Variants in ANKS1B observed in about 807,000 individuals in gnomAD.
ANKS1B encodes the protein ankyrin repeat and sterile alpha motif domain containing 1B.
In ANKS1B, 36 loss-of-function variants were observed where a neutral mutation model predicts 148.3. The ratio of observed to expected loss-of-function variants is 0.24; its 90% confidence interval spans 0.19 to 0.32. ANKS1B has a LOEUF of 0.32. ANKS1B is among the 10% of genes least tolerant of loss of function. ANKS1B has a pLI of 1.00. For synonymous variants in ANKS1B, 542 were observed against 560.8 expected, an observed-to-expected ratio of 0.97 and a Z score of 0.47; for missense variants, 1,157 against 1,542.6, an observed-to-expected ratio of 0.75 and a Z score of 4.19.
At chr12:99,782,470 A>C (rs1327882458) in intron 4 of ANKS1B, among the ~76,000 whole-genome samples, 1 of 152,174 alleles carries the variant, frequency 6.6e-6, no homozygotes, top group Non-Finnish European at 1.5e-5. Context: ...GAGGCAGGAG[A>C]ATCGCTTGAA....
At chr12:99,748,033 C>G (rs968728262) in intron 8 of ANKS1B, among the ~76,000 whole-genome samples, 2 of 151,942 alleles carry the variant, frequency 1.3e-5, no homozygotes, top group African/African-American at 4.8e-5. Context: ...AGACTTAATT[C>G]TATTTTCTAC....
At chr12:99,122,151 G>A (rs888566136) in intron 15 of ANKS1B, among the ~76,000 whole-genome samples, 1 of 152,040 alleles carries the variant, frequency 6.6e-6, no homozygotes. Flanking sequence ...GATAATGATC[G>A]ATTTTGTGAA....
chr12:99,690,346 A>T (rs1369064153), intron 8 of ANKS1B, among the ~76,000 whole-genome samples: 2 of 152,002 alleles, frequency 1.3e-5, no homozygotes, highest in Non-Finnish European at 2.9e-5. Context: ...AAAACCAATC[A>T]TGCCTTCCCA....
intron 5 of ANKS1B, 119 bp from the exon 6 acceptor site, chr12:99,780,091 T>A (rs2064096222): frequency 1.4e-6 from 1 of 723,278 alleles, no homozygotes; most frequent in Admixed American, 2.9e-5. Flanking sequence ...AAGTGATTTT[T>A]AAAAAATTAA....
intron 14 of ANKS1B, among the ~76,000 whole-genome samples, chr12:99,201,833 G>T (rs1404870181): frequency 2.0e-5 from 3 of 152,246 alleles, no homozygotes; most frequent in Non-Finnish European, 4.4e-5. Flanking sequence ...GAAATAACTA[G>T]GCTGGTTATT....
chr12:99,445,350 G>C (rs893821193), intron 10 of ANKS1B, among the ~76,000 whole-genome samples: 2 of 152,028 alleles, frequency 1.3e-5, no homozygotes, highest in African/African-American at 4.8e-5. Context: ...CCAAGGACTG[G>C]AGGCAGGTAG....
chr12:98,847,400 G>A (rs2099486420), intron 17 of ANKS1B, among the ~76,000 whole-genome samples: 2 of 152,110 alleles, frequency 1.3e-5, no homozygotes, highest in African/African-American at 4.8e-5. Flanking sequence ...TTAGCATAAT[G>A]TCCTTCAGGT....
intron 12 of ANKS1B, among the ~76,000 whole-genome samples, chr12:99,274,831 G>A (rs2153992220): frequency 6.6e-6 from 1 of 152,276 alleles, no homozygotes; most frequent in South Asian, 2.1e-4. Context: ...CAATGCAAAG[G>A]TTTTCTCACT....
chr12:99,290,870 C>T (rs987584334), intron 12 of ANKS1B, among the ~76,000 whole-genome samples: 1 of 151,928 alleles, frequency 6.6e-6, no homozygotes, highest in Non-Finnish European at 1.5e-5. Flanking sequence ...TGGAACAAGA[C>T]AAGGATGTCC....
intron 25 of ANKS1B, among the ~76,000 whole-genome samples, chr12:98,761,139 C>G (rs901679501): frequency 6.6e-6 from 1 of 152,316 alleles, no homozygotes; most frequent in South Asian, 2.1e-4. Context: ...GATTCAAGTG[C>G]AGATCTGACT....
chr12:98,745,374 A>ACT lies in ANKS1B; in HGVS notation c.*363_*364dup, dbSNP rs201592964. 3.8e-4 allele frequency: 287 copies of ACT among 749,490 alleles called. 2 individuals are homozygous for ACT. The highest frequency in any genetic ancestry group is 3.5e-3 in the African/African-American group (116 of 33,240). 46.4% of individuals were successfully genotyped at this position (749,490 alleles called of 1,614,324 possible). On this transcript the variant is annotated 3_prime_UTR_variant, in exon 27 of 27. Transcript: ENST00000683438. Reference sequence around the variant, plus strand: ...TTAGGCAGTATTAGAGATCCCCTTTACTTTTTTTTTTTTTTTTTTTTTTTT... The same window carrying ACT: ...TTAGGCAGTATTAGAGATCCCCTTTACTCTTTTTTTTTTTTTTTTTTTTTTTT...
chr12:99,949,635 C>A (rs531675687), intron 1 of ANKS1B, among the ~76,000 whole-genome samples: 6 of 152,164 alleles, frequency 3.9e-5, no homozygotes, highest in South Asian at 2.1e-4. Flanking sequence ...ACAACAACAA[C>A]AAAAAAGACA....
At chr12:98,983,243 G>C (rs1352269906) in intron 17 of ANKS1B, among the ~76,000 whole-genome samples, 2 of 152,092 alleles carry the variant, frequency 1.3e-5, no homozygotes, top group African/African-American at 4.8e-5. Context: ...GGCTTTTTCA[G>C]GCTGTTGGAA....
At chr12:99,570,976 T>C (rs2097449586) in intron 9 of ANKS1B, among the ~76,000 whole-genome samples, 2 of 152,158 alleles carry the variant, frequency 1.3e-5, no homozygotes, top group South Asian at 4.1e-4. Context: ...ATTTATTTTT[T>C]TTAAGTGCTG....
intron 17 of ANKS1B, among the ~76,000 whole-genome samples, chr12:99,039,343 G>A (rs1225624629): frequency 2.0e-5 from 3 of 152,172 alleles, no homozygotes; most frequent in African/African-American, 4.8e-5. Context: ...TGCCTCCCAC[G>A]TCTTCCTCTG....
At chr12:98,945,511 A>AAC (rs2099843961) in intron 17 of ANKS1B, among the ~76,000 whole-genome samples, 1 of 115,032 alleles carries the variant, frequency 8.7e-6, no homozygotes, top group Non-Finnish European at 1.8e-5. Context: ...CAAACAAAAA[A>AAC]AAAAAAAAAA....
Position 98,882,235 on chromosome 12 carries a change from C to T in ANKS1B, c.2779-50099G>A, listed in dbSNP as rs569449682. ...TGTTTTTAAACAAGAATGTCTTCTA[C>T]ACCAAGTGCTACTTTCAGATACAGG... On this transcript the variant is annotated intron_variant, in intron 17 of 26. Transcript: ENST00000683438. Among the ~76,000 whole-genome samples, 8 of 152,248 alleles carry T rather than the reference C, an allele frequency of 5.3e-5. No homozygotes were observed. The East Asian group carries it at 1.5e-3, about 29-fold the overall frequency.
At chr12:99,623,790 G>A (rs2098082754) in intron 9 of ANKS1B, among the ~76,000 whole-genome samples, 1 of 151,984 alleles carries the variant, frequency 6.6e-6, no homozygotes, top group Non-Finnish European at 1.5e-5. Flanking sequence ...CCACGCTCAT[G>A]GATTGGAAGA....
intron 15 of ANKS1B, among the ~76,000 whole-genome samples, chr12:99,112,628 C>T (rs1218678214): frequency 6.6e-6 from 1 of 151,936 alleles, no homozygotes; most frequent in African/African-American, 2.4e-5. Context: ...ATAATATGTA[C>T]CAGGTACATA....
Sources: allele counts gnomAD v4.1 joint callset (sites outside exome capture counted in the v4.1 genomes callset), GRCh38; gene constraint gnomAD v4.1.1; transcripts MANE v1.5; gene names NCBI Gene and HGNC (gene_info 2026-07-23, HGNC 2026-07-21).